Variants in LRP1B observed in about 807,000 individuals in gnomAD.
LRP1B encodes LDL receptor related protein 1B.
In LRP1B, 217 loss-of-function variants were observed where a neutral mutation model predicts 556.6. The observed-to-expected ratio is 0.39, with a 90% confidence interval of 0.35 to 0.44. The LOEUF (loss-of-function observed/expected upper bound fraction) is 0.44, where lower values mean the gene tolerates loss of function less well. Among genes scored for constraint, LRP1B ranks in the 20% least tolerant of loss-of-function variants. LRP1B has a pLI of 1.00. For missense variants in LRP1B, 5,053 were observed against 5,620.8 expected, an observed-to-expected ratio of 0.90 and a Z score of 3.23; for synonymous variants, 2,047 against 1,865.8, an observed-to-expected ratio of 1.10 and a Z score of -2.50.
intron 1 of LRP1B, among the ~76,000 whole-genome samples, chr2:141,906,378 T>C (rs1699761805): frequency 6.6e-6 from 1 of 152,016 alleles, no homozygotes; most frequent in South Asian, 2.1e-4. Context: ...TACTGGATTA[T>C]GTATAAAACA....
chr2:141,099,197 T>C (rs1453206259), intron 7 of LRP1B, among the ~76,000 whole-genome samples: 1 of 152,146 alleles, frequency 6.6e-6, no homozygotes, highest in Non-Finnish European at 1.5e-5. Context: ...ATAATTGGCT[T>C]TCAGTAAATA....
At chr2:140,851,551 A>C (rs1692455409) in intron 28 of LRP1B, 101 bp downstream of exon 28, 1 of 1,382,646 alleles carries the variant, frequency 7.2e-7, no homozygotes, top group Non-Finnish European at 9.9e-7. Context: ...AACAGAAAAA[A>C]AAACTTCCTC....
Position 141,188,774 on chromosome 2 carries a change from T to C in LRP1B, c.851-191A>G, listed in dbSNP as rs539588579. 2.0e-5 allele frequency among the ~76,000 whole-genome samples: 3 copies of C among 152,154 alleles called. No individual in the cohort carries two copies. The South Asian group carries it at 6.2e-4, about 31-fold the overall frequency. On this transcript the variant is annotated intron_variant, in intron 6 of 90. Coordinates refer to ENST00000389484, the MANE Select transcript of LRP1B (RefSeq NM_018557.3). ...TAATTATGTAAAATAATTATCTTGG[T>C]GCCTTTCTTCTTGCTATCTGAAGAC...
intron 3 of LRP1B, among the ~76,000 whole-genome samples, chr2:141,388,566 G>A (rs1330431134): frequency 6.6e-6 from 1 of 152,042 alleles, no homozygotes; most frequent in Admixed American, 6.6e-5. Flanking sequence ...CTCAATGGTG[G>A]AAGTTTGAAA....
intron 45 of LRP1B, among the ~76,000 whole-genome samples, chr2:140,539,976 A>G (rs1041993507): frequency 6.6e-6 from 1 of 152,128 alleles, no homozygotes; most frequent in African/African-American, 2.4e-5. Flanking sequence ...GTGAGAAAAT[A>G]TGTCTATGTT....
intron 35 of LRP1B, among the ~76,000 whole-genome samples, chr2:140,730,426 A>G (rs1687738384): frequency 6.6e-6 from 1 of 152,218 alleles, no homozygotes; most frequent in Admixed American, 6.6e-5. Context: ...TACTCTTGAT[A>G]TCTATTTTAA....
At chr2:141,078,567 G>A (rs189730494) in intron 7 of LRP1B, among the ~76,000 whole-genome samples, 1 of 152,258 alleles carries the variant, frequency 6.6e-6, no homozygotes, top group Admixed American at 6.5e-5. Context: ...AAGGGCATCG[G>A]TCACTGTATC....
chr2:141,465,526 G>A (rs1215568510), intron 3 of LRP1B, among the ~76,000 whole-genome samples: 1 of 147,050 alleles, frequency 6.8e-6, no homozygotes, highest in East Asian at 2.1e-4. Context: ...CCAGTTTTTT[G>A]CTACAGCACA....
chr2:141,611,676 C>T (rs528733447), intron 2 of LRP1B, among the ~76,000 whole-genome samples: 1 of 152,110 alleles, frequency 6.6e-6, no homozygotes, highest in Middle Eastern at 3.2e-3. Context: ...ATGTTGTTAT[C>T]TTAATATTGT....
At chr2:141,357,213 G>A (rs1038073879) in intron 3 of LRP1B, among the ~76,000 whole-genome samples, 20 of 151,916 alleles carry the variant, frequency 1.3e-4, no homozygotes, top group Admixed American at 7.9e-4. Flanking sequence ...GCACCACCAC[G>A]CCCAGCTAAT....
At chr2:141,995,765 A>G (rs72853646) in intron 1 of LRP1B, among the ~76,000 whole-genome samples, 33,129 of 152,156 alleles carry the variant, frequency 0.22, 4,247 homozygotes, top group East Asian at 0.31. Context: ...AACTTTCAAG[A>G]AACGTAAATA....
At chr2:141,723,718 T>C (rs1162557805) in intron 2 of LRP1B, among the ~76,000 whole-genome samples, 1 of 151,946 alleles carries the variant, frequency 6.6e-6, no homozygotes, top group African/African-American at 2.4e-5. Context: ...AAAATTGATA[T>C]AACTCTTCAA....
intron 41 of LRP1B, among the ~76,000 whole-genome samples, chr2:140,623,855 G>T (rs2105257760): frequency 6.6e-6 from 1 of 150,944 alleles, no homozygotes; most frequent in Non-Finnish European, 1.5e-5. Flanking sequence ...GGAGGCGGAG[G>T]TTGCAGTGAG....
chr2:140,233,097 G>T lies in LRP1B; in HGVS notation c.*89C>A. ...AAAAGATAAAGAAAGAGGTAATGCT[G>T]ATGCCAAAACAAGTATAATACTGTT... is the stretch of plus-strand genomic sequence containing the variant. On this transcript the variant is annotated 3_prime_UTR_variant, in exon 91 of 91. Transcript: ENST00000389484. The T allele has an allele frequency of 1.2e-6, 1 of 821,204 alleles. No homozygotes were observed. 50.9% of individuals were successfully genotyped at this position (821,204 alleles called of 1,614,324 possible).
At chr2:140,446,795 A>C (rs1461029234) in intron 63 of LRP1B, among the ~76,000 whole-genome samples, 5 of 152,150 alleles carry the variant, frequency 3.3e-5, no homozygotes, top group Non-Finnish European at 7.4e-5. Flanking sequence ...GACTCCAAAA[A>C]CACAGGCAAC....
intron 1 of LRP1B, among the ~76,000 whole-genome samples, chr2:141,967,951 AT>A (rs1370500615): frequency 6.6e-6 from 1 of 151,848 alleles, no homozygotes; most frequent in Non-Finnish European, 1.5e-5. Context: ...TTAGTCTTAA[AT>A]TTTTAAAAAA....
intron 3 of LRP1B, among the ~76,000 whole-genome samples, chr2:141,309,654 G>C (rs1205429854): frequency 6.6e-6 from 1 of 152,114 alleles, no homozygotes; most frequent in East Asian, 1.9e-4. Context: ...ATAAGTAGGA[G>C]TTGAACATTG....
chr2:141,896,231 C>G (rs975382567), intron 1 of LRP1B, among the ~76,000 whole-genome samples: 2 of 152,010 alleles, frequency 1.3e-5, no homozygotes, highest in Non-Finnish European at 2.9e-5. Flanking sequence ...TCAAACTCAC[C>G]GGGTTCAGCT....
intron 1 of LRP1B, among the ~76,000 whole-genome samples, chr2:142,123,545 A>G (rs13429550): frequency 0.25 from 38,134 of 151,768 alleles, 4,966 homozygotes; most frequent in Middle Eastern, 0.45. Flanking sequence ...CAGGACAATG[A>G]GGTGTATGCA....
Sources: allele counts gnomAD v4.1 joint callset (sites outside exome capture counted in the v4.1 genomes callset), GRCh38; gene constraint gnomAD v4.1.1; transcripts MANE v1.5; gene names NCBI Gene and HGNC (gene_info 2026-07-23, HGNC 2026-07-21).